EIF2AK3: variants seen among roughly 807,000 people sequenced by gnomAD.
EIF2AK3 encodes eukaryotic translation initiation factor 2-alpha kinase 3.
In EIF2AK3, 50 loss-of-function variants were observed where a neutral mutation model predicts 113.5. That is an observed-to-expected ratio of 0.44 (90% CI 0.35 to 0.56). EIF2AK3 has a LOEUF of 0.56. EIF2AK3 is among the 20% of genes least tolerant of loss of function. The pLI, the probability that EIF2AK3 is intolerant of heterozygous loss-of-function variation, is 0.00. For synonymous variants in EIF2AK3, 448 were observed against 495.4 expected, an observed-to-expected ratio of 0.90 and a Z score of 1.27; for missense variants, 1,185 against 1,378.0, an observed-to-expected ratio of 0.86 and a Z score of 2.22.
chr2:88,627,222 A>AGCAGCAGCAGCGCCC lies in EIF2AK3; in HGVS notation c.52_53insGGGCGCTGCTGCTGC (p.Leu17_Leu18insArgAlaLeuLeuLeu). On this transcript the variant is annotated inframe_insertion, in exon 1 of 17. Transcript: ENST00000303236. ...CCTTGCCGCGAGCCCCAGCAGCAGC[A>AGCAGCAGCAGCGCCC]GCAGCAGCAGCAGCGCCCGTACCAG... The AGCAGCAGCAGCGCCC allele has an allele frequency of 6.8e-7, 1 of 1,472,854 alleles. No homozygotes were observed. 91.2% of individuals were successfully genotyped at this position (1,472,854 alleles called of 1,614,324 possible). A position where few individuals can be genotyped will look rare whatever the true frequency, so the allele number is the denominator to read the frequency against.
chr2:88,619,988 T>C (rs1435038097), intron 1 of EIF2AK3, among the ~76,000 whole-genome samples: 1 of 151,944 alleles, frequency 6.6e-6, no homozygotes, highest in Non-Finnish European at 1.5e-5. Context: ...TTTGCCTTCT[T>C]CATTACCACA....
intron 13 of EIF2AK3, among the ~76,000 whole-genome samples, chr2:88,573,424 T>C (rs1384502964): frequency 6.6e-6 from 1 of 152,194 alleles, no homozygotes; most frequent in African/African-American, 2.4e-5. Context: ...ACAAGAAGAA[T>C]GTGTATTTCA....
At position 88,586,069 on chromosome 2, in the gene EIF2AK3, T is replaced by C. The variant is rs779635289; in HGVS notation, c.1430-8A>G. On this transcript the variant is annotated splice_region_variant and splice_polypyrimidine_tract_variant and intron_variant, in intron 8 of 16. Coordinates refer to ENST00000303236, the MANE Select transcript of EIF2AK3 (RefSeq NM_004836.7). ...GTAGATAATAACCATTATCTTCAAA[T>C]AGAAACATTAAAACGTTTTTTTTAA... 3.1e-6 allele frequency: 5 copies of C among 1,611,138 alleles called. No homozygotes were observed. The highest frequency in any genetic ancestry group is 2.7e-5 in the African/African-American group (2 of 74,734).
At chr2:88,591,569 A>G (rs909054550) in intron 4 of EIF2AK3, among the ~76,000 whole-genome samples, 12 of 152,128 alleles carry the variant, frequency 7.9e-5, no homozygotes, top group African/African-American at 2.4e-4. Context: ...CTCAGCCCCA[A>G]TCTTGGATCT....
intron 11 of EIF2AK3, among the ~76,000 whole-genome samples, chr2:88,578,706 G>GGCCTT (rs1553408628): frequency 6.7e-6 from 1 of 149,844 alleles, no homozygotes; most frequent in Non-Finnish European, 1.5e-5. Flanking sequence ...AAGCAACAAG[G>GGCCTT]GCCTTCTACA....
At chr2:88,590,783 G>T in intron 5 of EIF2AK3, 35 bp downstream of exon 5, 1 of 1,609,366 alleles carries the variant, frequency 6.2e-7, no homozygotes, top group Non-Finnish European at 8.5e-7. Flanking sequence ...GGGAGAGGAA[G>T]AACCGTATTT....
chr2:88,597,180 C>G (rs1479721906), intron 2 of EIF2AK3, among the ~76,000 whole-genome samples: 1 of 152,192 alleles, frequency 6.6e-6, no homozygotes, highest in Non-Finnish European at 1.5e-5. Flanking sequence ...TACTTTGCCC[C>G]AAACCTGGGG....
intron 14 of EIF2AK3, among the ~76,000 whole-genome samples, chr2:88,565,801 AT>A (rs1674101281): frequency 6.6e-6 from 1 of 152,132 alleles, no homozygotes; most frequent in African/African-American, 2.4e-5. Flanking sequence ...AGAAATATGT[AT>A]TTATAGTATT....
intron 8 of EIF2AK3, among the ~76,000 whole-genome samples, chr2:88,587,299 T>C (rs1374127433): frequency 6.6e-6 from 1 of 151,776 alleles, no homozygotes; most frequent in African/African-American, 2.4e-5. Context: ...ATAATAACTT[T>C]CCAGTGCTAA....
intron 14 of EIF2AK3, among the ~76,000 whole-genome samples, chr2:88,567,362 CGTCT>C (rs758088521): frequency 6.6e-6 from 1 of 152,024 alleles, no homozygotes; most frequent in Non-Finnish European, 1.5e-5. Context: ...TTGTGTTTGT[CGTCT>C]GTAAGTGATA....
chr2:88,617,124 T>C (rs1675606538), intron 1 of EIF2AK3, among the ~76,000 whole-genome samples: 1 of 152,064 alleles, frequency 6.6e-6, no homozygotes, highest in South Asian at 2.1e-4. Flanking sequence ...AAACATCAAG[T>C]AGACAGATAA....
At chr2:88,608,951 C>T (rs547071163) in intron 2 of EIF2AK3, among the ~76,000 whole-genome samples, 1 of 148,318 alleles carries the variant, frequency 6.7e-6, no homozygotes, top group East Asian at 2.0e-4. Context: ...CCAGGCTGGT[C>T]TAGAACTCTT....
Position 88,575,231 on chromosome 2 carries a change from A to G in EIF2AK3, c.2252T>C (p.Ile751Thr), listed in dbSNP as rs774103568. 2 of 1,613,040 alleles carry G rather than the reference A, an allele frequency of 1.2e-6. No homozygotes were observed. The highest frequency in any genetic ancestry group is 1.3e-5 in the African/African-American group (1 of 74,814). Reference sequence around the variant, plus strand: ...GTATGCTGCATCCACTGACTCACTGATGTCCTCATGGTCCATTCCTGAGAA... The same window carrying G: ...GTATGCTGCATCCACTGACTCACTGGTGTCCTCATGGTCCATTCCTGAGAA... ...LEFSGMDHED[I>T]SESVDAAYNL... Residue 751 changes from isoleucine (I) to threonine (T), a missense_variant, in exon 13 of 17, where the codon ATC becomes ACC. Physicochemically the swap from Ile to Thr is moderately conservative, Grantham distance 89. Transcript: ENST00000303236.
intron 14 of EIF2AK3, among the ~76,000 whole-genome samples, chr2:88,564,780 A>C (rs1047376141): frequency 2.6e-5 from 4 of 152,200 alleles, no homozygotes; most frequent in Non-Finnish European, 5.9e-5. Context: ...TTTCACAGGG[A>C]AAGAAAAAAG....
chr2:88,579,789 C>T, intron 10 of EIF2AK3, 149 bp from the exon 11 acceptor site: 1 of 682,380 alleles, frequency 1.5e-6, no homozygotes, highest in Non-Finnish European at 2.4e-6. Flanking sequence ...TGATTAACAG[C>T]ATTTTTAGTC....
intron 11 of EIF2AK3, among the ~76,000 whole-genome samples, chr2:88,577,878 C>T (rs547451717): frequency 6.6e-6 from 1 of 152,314 alleles, no homozygotes; most frequent in South Asian, 2.1e-4. Context: ...AGAGCAAATG[C>T]CGCCATTTCT....
At position 88,565,555 on chromosome 2, in the gene EIF2AK3, C is replaced by T. The variant is rs1440582538; in HGVS notation, c.2986-3165G>A. Among the ~76,000 whole-genome samples, 5 of 151,118 alleles carry T rather than the reference C, an allele frequency of 3.3e-5. No homozygotes were observed. The East Asian group carries it at 7.8e-4, about 24-fold the overall frequency. On this transcript the variant is annotated intron_variant, in intron 14 of 16. Coordinates refer to ENST00000303236, the MANE Select transcript of EIF2AK3 (RefSeq NM_004836.7). The stretch of plus-strand genomic sequence containing the variant: ...TGGGGTTTCGCCATGTTGCCCAGGC[C>T]GGTCTCGAACTCTGAAGCTCAAGCA...
intron 2 of EIF2AK3, among the ~76,000 whole-genome samples, chr2:88,608,191 T>C (rs1675336658): frequency 6.6e-6 from 1 of 152,218 alleles, no homozygotes; most frequent in Admixed American, 6.5e-5. Flanking sequence ...TAAGTAACTT[T>C]GATAGTTGCA....
At chr2:88,601,377 T>C (rs1168281737) in intron 2 of EIF2AK3, among the ~76,000 whole-genome samples, 1 of 152,240 alleles carries the variant, frequency 6.6e-6, no homozygotes, top group African/African-American at 2.4e-5. Context: ...AGCCTTCGTA[T>C]CTGGTGCTAC....
Sources: allele counts gnomAD v4.1 joint callset (sites outside exome capture counted in the v4.1 genomes callset), GRCh38; gene constraint gnomAD v4.1.1; transcripts MANE v1.5; gene names NCBI Gene and HGNC (gene_info 2026-07-23, HGNC 2026-07-21).